AUH: variants seen among roughly 807,000 people sequenced by gnomAD.
The protein encoded by AUH is methylglutaconyl-CoA hydratase, mitochondrial.
Under a neutral mutation model 42.3 loss-of-function variants are expected in AUH, and 29 were observed. The observed-to-expected ratio is 0.69, with a 90% CI of 0.51 to 0.93. The LOEUF is 0.93. AUH is among the 40% of genes least tolerant of loss of function. AUH has a pLI of 0.00. For missense variants in AUH, 452 were observed against 438.1 expected (o/e 1.03, Z -0.28); for synonymous variants, 174 against 166.4 (o/e 1.05, Z -0.35).
chr9:91,329,529 C>A (rs1407704698), intron 3 of AUH, among the ~76,000 whole-genome samples: 2 of 152,084 alleles, frequency 1.3e-5, no homozygotes, highest in Non-Finnish European at 2.9e-5. Context: ...TGCTTACTGG[C>A]CATTCAAACA....
At chr9:91,324,070 C>T (rs1587858837) in intron 4 of AUH, among the ~76,000 whole-genome samples, 1 of 152,198 alleles carries the variant, frequency 6.6e-6, no homozygotes, top group East Asian at 1.9e-4. Context: ...TTTAAAGATA[C>T]TGGAATCAAA....
intron 4 of AUH, among the ~76,000 whole-genome samples, chr9:91,302,232 C>A (rs1827842280): frequency 6.6e-6 from 1 of 151,786 alleles, no homozygotes; most frequent in South Asian, 2.1e-4. Context: ...CTTTGGGAGT[C>A]CAAGGCAGGT....
intron 6 of AUH, among the ~76,000 whole-genome samples, chr9:91,249,964 A>T (rs1383695419): frequency 6.6e-6 from 1 of 151,532 alleles, no homozygotes; most frequent in East Asian, 1.9e-4. Context: ...GTGAGCTGAG[A>T]TAGTGCCCCT....
At chr9:91,321,170 A>G (rs1316261511) in intron 4 of AUH, among the ~76,000 whole-genome samples, 1 of 152,222 alleles carries the variant, frequency 6.6e-6, no homozygotes, top group East Asian at 1.9e-4. Context: ...AAAAAGAGGT[A>G]TCCCAGATGT....
chr9:91,239,038 T>C (rs1828349542), intron 6 of AUH, among the ~76,000 whole-genome samples: 1 of 152,228 alleles, frequency 6.6e-6, no homozygotes. Context: ...AAGCAAGCTT[T>C]GACATTTCAC....
At chr9:91,252,777 CAAAG>C (rs1013054518) in intron 6 of AUH, among the ~76,000 whole-genome samples, 31 of 152,140 alleles carry the variant, frequency 2.0e-4, no homozygotes, top group African/African-American at 7.2e-4. Context: ...AGCCTTAAGG[CAAAG>C]AAACAAAGCC....
chr9:91,303,148 C>T (rs1434496064), intron 4 of AUH, among the ~76,000 whole-genome samples: 3 of 152,172 alleles, frequency 2.0e-5, no homozygotes, highest in Admixed American at 1.3e-4. Flanking sequence ...GCCCCTGGTT[C>T]ACTTCAGTAG....
chr9:91,250,823 C>G (rs1829085475), intron 6 of AUH, among the ~76,000 whole-genome samples: 1 of 152,244 alleles, frequency 6.6e-6, no homozygotes, highest in Non-Finnish European at 1.5e-5. Context: ...CTCTGTCAGA[C>G]TGCGGATGAC....
intron 5 of AUH, among the ~76,000 whole-genome samples, chr9:91,297,123 C>T (rs374150958): frequency 5.9e-5 from 9 of 152,322 alleles, no homozygotes; most frequent in African/African-American, 1.9e-4. Context: ...GATCAGTCTA[C>T]GTTGCTCTCA....
intron 6 of AUH, among the ~76,000 whole-genome samples, chr9:91,295,515 C>T (rs1452582523): frequency 6.6e-6 from 1 of 152,110 alleles, no homozygotes. Context: ...AAGGAAGAGT[C>T]AACTGATGTG....
intron 6 of AUH, among the ~76,000 whole-genome samples, chr9:91,239,362 TA>T (rs1376097366): frequency 1.3e-5 from 2 of 152,192 alleles, no homozygotes; most frequent in Non-Finnish European, 2.9e-5. Context: ...TCTTCTCTCA[TA>T]AATAGAAAAG....
chr9:91,249,507 T>C (rs967282241), intron 6 of AUH, among the ~76,000 whole-genome samples: 2 of 152,044 alleles, frequency 1.3e-5, no homozygotes, highest in African/African-American at 4.8e-5. Flanking sequence ...AAGTTGTTTG[T>C]TCGGTAGTTT....
At chr9:91,234,984 T>C (rs958384165) in intron 6 of AUH, among the ~76,000 whole-genome samples, 46 of 151,396 alleles carry the variant, frequency 3.0e-4, no homozygotes, top group African/African-American at 1.1e-3. Flanking sequence ...GGTACAAAGA[T>C]GTAAAGATGA....
chr9:91,253,289 TAGAA>T (rs1268664760), intron 6 of AUH, among the ~76,000 whole-genome samples: 5 of 152,226 alleles, frequency 3.3e-5, no homozygotes, highest in African/African-American at 1.2e-4. Flanking sequence ...AGCAACTAAC[TAGAA>T]CTCTGGAAAT....
At chr9:91,221,311 G>A (rs915083843) in intron 6 of AUH, among the ~76,000 whole-genome samples, 1 of 152,166 alleles carries the variant, frequency 6.6e-6, no homozygotes, top group African/African-American at 2.4e-5. Context: ...AACAGCAGTG[G>A]ATAGGCAGTA....
chr9:91,233,197 G>A (rs1827988425), intron 6 of AUH, among the ~76,000 whole-genome samples: 2 of 152,174 alleles, frequency 1.3e-5, no homozygotes, highest in South Asian at 4.1e-4. Flanking sequence ...GATGGGCACA[G>A]TTAAGACAGG....
At chr9:91,276,025 TG>T (rs1476348008) in intron 6 of AUH, among the ~76,000 whole-genome samples, 1 of 152,120 alleles carries the variant, frequency 6.6e-6, no homozygotes, top group African/African-American at 2.4e-5. Flanking sequence ...TGATTGTCCA[TG>T]GAAGGACAAA....
At chr9:91,301,481 G>A (rs1827780044) in intron 4 of AUH, among the ~76,000 whole-genome samples, 1 of 152,202 alleles carries the variant, frequency 6.6e-6, no homozygotes, top group Admixed American at 6.5e-5. Context: ...AAGGACGAAC[G>A]ATTGCCTGTG....
At chr9:91,295,080 C>CT (rs1382876345) in intron 6 of AUH, among the ~76,000 whole-genome samples, 18 of 152,210 alleles carry the variant, frequency 1.2e-4, no homozygotes, top group Admixed American at 1.1e-3. Context: ...AAATCTCATG[C>CT]TTTTTTTAAT....
Sources: allele counts gnomAD v4.1 joint callset (sites outside exome capture counted in the v4.1 genomes callset), GRCh38; gene constraint gnomAD v4.1.1; transcripts MANE v1.5; gene names NCBI Gene and HGNC (gene_info 2026-07-23, HGNC 2026-07-21).